Variants in ITSN1 observed in about 807,000 individuals in gnomAD.
ITSN1 encodes intersectin 1.
A neutral mutation model predicts 239.8 loss-of-function variants in ITSN1; 58 were observed. That is an observed-to-expected ratio of 0.24 (90% CI 0.20 to 0.30). The LOEUF (loss-of-function observed/expected upper bound fraction) is 0.30, where lower values mean the gene tolerates loss of function less well. Among genes scored for constraint, ITSN1 ranks in the 10% least tolerant of loss-of-function variants. The probability of loss-of-function intolerance (pLI) is 1.00; values close to 1 mark genes in which losing one functional copy is unlikely to be tolerated. For synonymous variants in ITSN1, 780 were observed against 770.8 expected, an observed-to-expected ratio of 1.01 and a Z score of -0.20; for missense variants, 1,558 against 2,103.3, an observed-to-expected ratio of 0.74 and a Z score of 5.07.
In ITSN1 at chr21:33,865,994, T is replaced by G. The variant is rs961026521; in HGVS notation, c.4074+660T>G. ...GGGCCATTCAAACAGCCCCCACATC[T>G]CCTGGAGAAAAAAAGGAGGAAGAGA... On this transcript the variant is annotated intron_variant, in intron 32 of 39. Transcript: ENST00000381318. The surrounding 1 kb of genome is among the most constrained non-coding windows in gnomAD (Gnocchi z 4.4). Among the ~76,000 whole-genome samples, 2 of 151,846 alleles carry G rather than the reference T, an allele frequency of 1.3e-5. No individual in the cohort carries two copies. Among genetic ancestry groups the G allele is most frequent in the Non-Finnish European group, 2.9e-5 (2 of 67,942 alleles).
chr21:33,759,600 C>T (rs547143169), intron 8 of ITSN1, among the ~76,000 whole-genome samples: 1 of 152,312 alleles, frequency 6.6e-6, no homozygotes, highest in South Asian at 2.1e-4. Context: ...GATGCCTGAA[C>T]TTTGCTCATT....
rs780808746 is a variant in ITSN1 at position 33,811,108 on chromosome 21, A to C, written c.2453A>C (p.Asp818Ala). The C allele has an allele frequency of 1.3e-5, 21 of 1,614,214 alleles. No homozygotes were observed. In the South Asian group the frequency reaches 2.0e-4, roughly 15 times the overall value. Reference protein sequence around the residue: ...EVPAPVKPVTDSTSAPAPKLA... With the variant: ...EVPAPVKPVTASTSAPAPKLA... ...CCCGCTCCAGTGAAACCAGTGACTG[A>C]TTCAACATCTGCCCCTGCCCCCAAA... Residue 818 changes from aspartate (D) to alanine (A), a missense_variant, in exon 21 of 40, where the codon GAT (aspartate) becomes GCT (alanine). This residue lies in a region of ITSN1 where 982 missense variants were observed against 1,209.9 expected (regional missense o/e 0.81). Transcript: ENST00000381318.
intron 8 of ITSN1, among the ~76,000 whole-genome samples, chr21:33,757,855 T>C (rs879457125): frequency 1.8e-4 from 27 of 152,130 alleles, no homozygotes; most frequent in Non-Finnish European, 3.8e-4. Context: ...TGGGTTTTTG[T>C]TTTCAGGAGC....
rs376490375 is a variant in ITSN1 at position 33,695,541 on chromosome 21, C to T, written c.-32-23256C>T. On this transcript the variant is annotated intron_variant, in intron 1 of 39. Transcript: ENST00000381318. ...TAATACCTCTGCTGGATTTTGCAAG[C>T]GTGAAACTAAAACACAGTGAAATTT... Among the ~76,000 whole-genome samples the T allele has an allele frequency of 8.5e-5, 13 of 152,270 alleles. No homozygotes were observed. In the South Asian group the frequency reaches 1.5e-3, roughly 17 times the overall value.
chr21:33,836,470 A>G lies in ITSN1; in HGVS notation c.3499A>G (p.Thr1167Ala). The change falls in exon 29 of 40, where the codon ACC becomes GCC. Residue 1167 changes from threonine (T) to alanine (A), a missense_variant. Physicochemically the swap from Thr to Ala is moderately conservative, Grantham distance 58. This residue lies in a region of ITSN1 where 576 missense variants were observed against 893.3 expected (regional missense o/e 0.64). Transcript: ENST00000381318. The part of the protein sequence containing the change: ...VCQVIGMYDY[T>A]AQNDDELAFN... ...CCAGGTGATTGGGATGTACGACTACACCGCGCAGAATGACGATGAGCTGGC... is the reference window on the plus strand; with the variant it reads ...CCAGGTGATTGGGATGTACGACTACGCCGCGCAGAATGACGATGAGCTGGC... 6 of 1,613,242 alleles carry G rather than the reference A, an allele frequency of 3.7e-6. No homozygotes were observed. Among genetic ancestry groups the G allele is most frequent in the Non-Finnish European group, 5.1e-6 (6 of 1,179,538 alleles).
chr21:33,675,482 A>T (rs542342743), intron 1 of ITSN1, among the ~76,000 whole-genome samples: 29 of 152,166 alleles, frequency 1.9e-4, no homozygotes, highest in African/African-American at 5.8e-4. Flanking sequence ...TGGGAGAATG[A>T]CTTGAACCCG....
chr21:33,789,342 G>T (rs554953428), intron 16 of ITSN1, among the ~76,000 whole-genome samples: 1 of 152,064 alleles, frequency 6.6e-6, no homozygotes. Context: ...TTTTAATGAG[G>T]TCAATTTAAT....
At chr21:33,674,946 C>T (rs974385856) in intron 1 of ITSN1, among the ~76,000 whole-genome samples, 1 of 151,916 alleles carries the variant, frequency 6.6e-6, no homozygotes, top group African/African-American at 2.4e-5. Flanking sequence ...ATAATATATG[C>T]TCATTATAAT....
chr21:33,664,565 G>A (rs1438100315), intron 1 of ITSN1, among the ~76,000 whole-genome samples: 1 of 152,114 alleles, frequency 6.6e-6, no homozygotes, highest in Non-Finnish European at 1.5e-5. Flanking sequence ...GAGATTTGGT[G>A]GGGACACATA....
At chr21:33,844,171 G>C (rs1450618688) in intron 29 of ITSN1, among the ~76,000 whole-genome samples, 1 of 152,172 alleles carries the variant, frequency 6.6e-6, no homozygotes, top group African/African-American at 2.4e-5. Flanking sequence ...AGGCCCACCG[G>C]TGGAAGCAAG....
chr21:33,642,955 C>T (rs1481323964), intron 1 of ITSN1, among the ~76,000 whole-genome samples: 1 of 150,456 alleles, frequency 6.6e-6, no homozygotes, highest in Non-Finnish European at 1.5e-5. Context: ...ACTGGGAGGC[C>T]GGGGGCCGCG....
intron 27 of ITSN1, among the ~76,000 whole-genome samples, chr21:33,830,021 G>A (rs1283930575): frequency 6.6e-6 from 1 of 152,170 alleles, no homozygotes; most frequent in East Asian, 1.9e-4. Context: ...ATATGACGAG[G>A]GATGCCTGCA....
chr21:33,828,633 C>G (rs979995596), intron 26 of ITSN1, among the ~76,000 whole-genome samples: 9 of 152,098 alleles, frequency 5.9e-5, no homozygotes, highest in African/African-American at 1.9e-4. Context: ...CCTCTTTCTT[C>G]TTTTTTTTCT....
At chr21:33,808,009 C>G (rs941781642) in intron 20 of ITSN1, among the ~76,000 whole-genome samples, 20 of 150,826 alleles carry the variant, frequency 1.3e-4, no homozygotes, top group Non-Finnish European at 2.5e-4. Flanking sequence ...CAAGGTGAAA[C>G]CCCGTCTCTA....
At chr21:33,768,717 T>G (rs2068897150) in intron 11 of ITSN1, among the ~76,000 whole-genome samples, 1 of 152,254 alleles carries the variant, frequency 6.6e-6, no homozygotes, top group Non-Finnish European at 1.5e-5. Context: ...TCTTTTATGA[T>G]AAATACTTTG....
At chr21:33,817,681 C>G in intron 22 of ITSN1, 4 of 1,171,598 alleles carry the variant, frequency 3.4e-6, no homozygotes, top group Non-Finnish European at 4.3e-6. Context: ...TTTTTTTCAT[C>G]TGTAATCTCA....
chr21:33,738,561 C>T (rs2066643576), intron 5 of ITSN1, among the ~76,000 whole-genome samples: 1 of 151,552 alleles, frequency 6.6e-6, no homozygotes, highest in African/African-American at 2.4e-5. Context: ...ACCACCACAC[C>T]CGGCTAATTT....
intron 1 of ITSN1, among the ~76,000 whole-genome samples, chr21:33,670,829 A>G (rs1157334458): frequency 6.6e-6 from 1 of 152,226 alleles, no homozygotes; most frequent in African/African-American, 2.4e-5. Context: ...GTGGCTGCAA[A>G]TGCACACGGT....
intron 9 of ITSN1, among the ~76,000 whole-genome samples, chr21:33,764,724 T>C (rs1286022427): frequency 1.3e-5 from 2 of 152,260 alleles, no homozygotes; most frequent in Non-Finnish European, 2.9e-5. Flanking sequence ...ATTTTTGGCA[T>C]TGGCAAAACC....
Sources: gnomAD v4.1 joint callset for allele counts (sites outside exome capture counted in the v4.1 genomes callset) on GRCh38, gnomAD v4.1.1 for gene constraint, gnomAD v4.1.1 regional missense constraint, Gnocchi (gnomAD v3.1) non-coding constraint, MANE v1.5 for transcripts, NCBI Gene and HGNC (gene_info 2026-07-23, HGNC 2026-07-21) for gene names.